The following SNAP47 variants were observed in gnomAD, a reference collection of about 807,000 sequenced individuals.
SNAP47 encodes the protein synaptosome associated protein 47.
A neutral mutation model predicts 31.4 loss-of-function variants in SNAP47; 20 were observed. The observed-to-expected ratio is 0.64, with a 90% confidence interval of 0.45 to 0.93. The LOEUF (loss-of-function observed/expected upper bound fraction) is 0.93. SNAP47 is among the 40% of genes least tolerant of loss of function. The pLI is 0.00. For missense variants in SNAP47, 492 were observed against 528.5 expected, an observed-to-expected ratio of 0.93 and a Z score of 0.68; for synonymous variants, 194 against 213.4, an observed-to-expected ratio of 0.91 and a Z score of 0.79.
At chr1:227,740,841 G>A (rs1349149693) in intron 1 of SNAP47, among the ~76,000 whole-genome samples, 1 of 152,134 alleles carries the variant, frequency 6.6e-6, no homozygotes, top group Non-Finnish European at 1.5e-5. Context: ...ACACTGGGGT[G>A]CCCATTAGGG....
intron 4 of SNAP47, among the ~76,000 whole-genome samples, chr1:227,775,300 G>A (rs1664088758): frequency 6.6e-6 from 1 of 152,252 alleles, no homozygotes; most frequent in Admixed American, 6.5e-5. Flanking sequence ...ACTATTTTGA[G>A]TTGTAGACAG....
Position 227,767,015 on chromosome 1 carries a change from G to A in SNAP47, c.1045G>A (p.Gly349Ser), listed in dbSNP as rs149591514. 1.1e-4 allele frequency: 174 copies of A among 1,614,028 alleles called. No individual in the cohort carries two copies. In the African/African-American group the frequency reaches 2.1e-3, roughly 20 times the overall value. Residue 349 changes from glycine to serine, a missense_variant, in exon 4 of 5, where the codon GGC becomes AGC. Transcript: ENST00000617596. The stretch of plus-strand genomic sequence containing the variant: ...TGAGCCACCCGCAGGAGACCAGGAG[G>A]GCACAGCACTGCACCTGCAGACAAG... ...HREPPAGDQEGTALHLQTSLP... is the reference protein window; with the variant it reads ...HREPPAGDQESTALHLQTSLP...
upstream of SNAP47, chr1:227,734,882 A>G (rs1660967805): frequency 3.1e-6 from 5 of 1,597,484 alleles, no homozygotes; most frequent in Non-Finnish European, 4.3e-6. Context: ...CCGTCTGCAG[A>G]GGAACTCTCC....
intron 4 of SNAP47, among the ~76,000 whole-genome samples, chr1:227,775,544 C>T (rs1664107389): frequency 6.6e-6 from 1 of 152,194 alleles, no homozygotes; most frequent in Admixed American, 6.5e-5. Context: ...GTTTGGAGGC[C>T]AAGGCCGTGC....
chr1:227,732,506 G>A (rs1466039412), upstream of SNAP47: 1 of 1,613,268 alleles, frequency 6.2e-7, no homozygotes, highest in Non-Finnish European at 8.5e-7. Flanking sequence ...CAACCAAGGA[G>A]GCCAGCACCT....
rs200503677 is a variant in SNAP47, at chr1:227,759,437, G to A, written c.940G>A (p.Ala314Thr). 72 of 1,614,068 alleles carry A rather than the reference G, an allele frequency of 4.5e-5. No individual in the cohort carries two copies. Among genetic ancestry groups the A allele is most frequent in the Middle Eastern group, 3.3e-4 (2 of 6,084 alleles). ...LLEDALVLRS[A>T]RTSSPAEKSC... ...AGAAGATGCATTGGTGCTCAGAAGCGCAAGAACCTCTTCCCCCGCAGAGAA... is the reference window on the plus strand; with the variant it reads ...AGAAGATGCATTGGTGCTCAGAAGCACAAGAACCTCTTCCCCCGCAGAGAA... The change falls in exon 3 of 5, where the codon GCA becomes ACA. Residue 314 changes from alanine to threonine, a missense_variant. By Grantham distance (58) the Ala-to-Thr change is moderately conservative. Transcript: ENST00000617596.
upstream of SNAP47, among the ~76,000 whole-genome samples, chr1:227,728,357 C>T (rs910868422): frequency 6.6e-6 from 1 of 151,852 alleles, no homozygotes; most frequent in African/African-American, 2.4e-5. Context: ...GCGGGGGGGG[C>T]GGGCCCCGCT....
chr1:227,773,846 G>A (rs769707214), intron 4 of SNAP47, among the ~76,000 whole-genome samples: 1 of 152,192 alleles, frequency 6.6e-6, no homozygotes, highest in Non-Finnish European at 1.5e-5. Context: ...GTTGTCCCAC[G>A]ATGAGACCCC....
chr1:227,768,384 A>G (rs1663574504), intron 4 of SNAP47: 1 of 962,464 alleles, frequency 1.0e-6, no homozygotes. Context: ...GGGCTCTGTC[A>G]GGCCCGGCCC....
upstream of SNAP47, chr1:227,733,036 G>C: frequency 3.1e-6 from 5 of 1,613,344 alleles, no homozygotes; most frequent in Admixed American, 1.7e-5. Context: ...TCCTGGAAGG[G>C]GCACAGTGCA....
chr1:227,740,092 A>G (rs1407265745), intron 1 of SNAP47, among the ~76,000 whole-genome samples: 1 of 152,226 alleles, frequency 6.6e-6, no homozygotes, highest in African/African-American at 2.4e-5. Context: ...GTAGTGCGAC[A>G]GTCATGAAAG....
upstream of SNAP47, among the ~76,000 whole-genome samples, chr1:227,730,258 C>T (rs1474987951): frequency 6.6e-6 from 1 of 152,152 alleles, no homozygotes; most frequent in South Asian, 2.1e-4. Flanking sequence ...GTGAAATTCC[C>T]TTTGCGAAGG....
chr1:227,733,597 T>C (rs200148311), upstream of SNAP47: 4 of 1,607,506 alleles, frequency 2.5e-6, no homozygotes, highest in African/African-American at 2.7e-5. Context: ...CTTCCTGCCC[T>C]GGGGGGAAGA....
chr1:227,734,816 C>A (rs373897456), upstream of SNAP47: 1 of 1,613,652 alleles, frequency 6.2e-7, no homozygotes, highest in African/African-American at 1.3e-5. Context: ...AACCACGTCT[C>A]CTGAAATGAA....
intron 2 of SNAP47, among the ~76,000 whole-genome samples, chr1:227,749,918 C>T (rs1002145213): frequency 1.5e-4 from 23 of 152,272 alleles, no homozygotes; most frequent in South Asian, 2.1e-4. Flanking sequence ...CATTTTGAAG[C>T]GTGTTGTTTC....
rs1029678687 is a variant in SNAP47 at position 227,762,616 on chromosome 1, C to G, written c.988+3131C>G. 6.6e-6 allele frequency among the ~76,000 whole-genome samples: 1 copy of G among 152,090 alleles called. No homozygotes were observed. The highest frequency in any genetic ancestry group is 1.5e-5 in the Non-Finnish European group (1 of 67,992). On this transcript the variant is annotated intron_variant, in intron 3 of 4. Transcript: ENST00000617596. This position sits in a 1 kb window ranked among gnomAD's most constrained non-coding sequence, Gnocchi z 4.2. ...GTGTGGCCACAGGGTGGCAGCCTCGCGACACCGGATGGGCGCTTGTCAGGG... is the reference window on the plus strand; with the variant it reads ...GTGTGGCCACAGGGTGGCAGCCTCGGGACACCGGATGGGCGCTTGTCAGGG...
At chr1:227,770,166 G>A (rs938368021) in intron 4 of SNAP47, among the ~76,000 whole-genome samples, 1 of 152,352 alleles carries the variant, frequency 6.6e-6, no homozygotes, top group Middle Eastern at 3.4e-3. Context: ...GGCGACCAGC[G>A]TACCACTGCC....
intron 4 of SNAP47, chr1:227,776,699 G>A (rs1664180968): frequency 5.1e-6 from 5 of 985,338 alleles, no homozygotes; most frequent in Non-Finnish European, 6.0e-6. Flanking sequence ...ATCTGGACCT[G>A]CACTCCAGGA....
intron 2 of SNAP47, among the ~76,000 whole-genome samples, chr1:227,754,624 G>C (rs760669065): frequency 6.6e-6 from 1 of 152,186 alleles, no homozygotes; most frequent in Non-Finnish European, 1.5e-5. Flanking sequence ...GCTGTATAGA[G>C]ATTTTTAAAG....
Sources: gnomAD v4.1 joint callset for allele counts (sites outside exome capture counted in the v4.1 genomes callset) on GRCh38, gnomAD v4.1.1 for gene constraint, Gnocchi (gnomAD v3.1) non-coding constraint, MANE v1.5 for transcripts, NCBI Gene and HGNC (gene_info 2026-07-23, HGNC 2026-07-21) for gene names.